The following APBA2 variants were observed in gnomAD, a reference collection of about 807,000 sequenced individuals.
APBA2 encodes amyloid-beta A4 precursor protein-binding family A member 2.
APBA2 carries 30 observed loss-of-function variants against 75.0 expected under a neutral mutation model. The observed-to-expected ratio is 0.40, with a 90% CI of 0.30 to 0.54. The LOEUF (loss-of-function observed/expected upper bound fraction) is 0.54. Ranked by LOEUF, APBA2 falls within the 20% of genes least tolerant of loss-of-function variation. The pLI is 0.49. For missense variants in APBA2, 801 were observed against 1,016.1 expected (o/e 0.79, Z 2.88); for synonymous variants, 444 against 409.6 (o/e 1.08, Z -1.01).
intron 3 of APBA2, among the ~76,000 whole-genome samples, chr15:29,050,657 A>G (rs2041552203): frequency 6.6e-6 from 1 of 152,124 alleles, no homozygotes; most frequent in South Asian, 2.1e-4. Flanking sequence ...GGACTGTTCC[A>G]TGTTACTGTA....
At chr15:28,902,211 G>A (rs1040458180) in intron 1 of APBA2, among the ~76,000 whole-genome samples, 2 of 152,102 alleles carry the variant, frequency 1.3e-5, no homozygotes, top group African/African-American at 2.4e-5. Flanking sequence ...CACAGTTGGC[G>A]CCAACAGCAA....
intron 3 of APBA2, among the ~76,000 whole-genome samples, chr15:29,051,266 C>G (rs74007061): frequency 0.027 from 4,092 of 152,208 alleles, 190 homozygotes; most frequent in African/African-American, 0.093. Context: ...TTGTTCTCTT[C>G]TAGGGAACAG....
At chr15:28,982,486 G>A (rs1355872530) in intron 2 of APBA2, among the ~76,000 whole-genome samples, 1 of 152,198 alleles carries the variant, frequency 6.6e-6, no homozygotes, top group Non-Finnish European at 1.5e-5. Flanking sequence ...GCTTGACCTT[G>A]TTAGCACAGG....
At chr15:29,015,999 T>C (rs1444773876) in intron 3 of APBA2, among the ~76,000 whole-genome samples, 1 of 152,128 alleles carries the variant, frequency 6.6e-6, no homozygotes, top group Non-Finnish European at 1.5e-5. Flanking sequence ...TGGCTCACGC[T>C]TGTAATCCCA....
chr15:28,985,934 G>C (rs1282254844), intron 2 of APBA2, among the ~76,000 whole-genome samples: 1 of 152,228 alleles, frequency 6.6e-6, no homozygotes, highest in African/African-American at 2.4e-5. Flanking sequence ...CGGCGGAGCA[G>C]GTGGCTGCCC....
chr15:28,888,377 G>A (rs1297628372), intron 1 of APBA2, among the ~76,000 whole-genome samples: 1 of 152,228 alleles, frequency 6.6e-6, no homozygotes, highest in Non-Finnish European at 1.5e-5. Context: ...GGTGAGGTTG[G>A]CATCAGGCTG....
intron 3 of APBA2, among the ~76,000 whole-genome samples, chr15:29,026,830 A>G (rs942986724): frequency 5.3e-5 from 8 of 152,230 alleles, no homozygotes; most frequent in East Asian, 3.9e-4. Context: ...CTGAGGCAGG[A>G]GAATGGTGTG....
At chr15:29,020,970 G>C (rs184976038) in intron 3 of APBA2, among the ~76,000 whole-genome samples, 1 of 152,152 alleles carries the variant, frequency 6.6e-6, no homozygotes, top group Admixed American at 6.6e-5. Context: ...ATATATAAGC[G>C]TTCTGGGGGG....
intron 2 of APBA2, among the ~76,000 whole-genome samples, chr15:28,965,141 G>A (rs576000323): frequency 2.5e-4 from 38 of 151,794 alleles, no homozygotes; most frequent in Non-Finnish European, 4.7e-4. Context: ...GTTAGTTTTT[G>A]TATAAGGTAT....
chr15:29,084,874 T>C (rs2043221447), intron 6 of APBA2, among the ~76,000 whole-genome samples: 1 of 152,256 alleles, frequency 6.6e-6, no homozygotes, highest in Non-Finnish European at 1.5e-5. Flanking sequence ...TGTGTTCCTC[T>C]ATTCTCTGTG....
At chr15:28,950,643 A>G (rs1471495668) in intron 2 of APBA2, among the ~76,000 whole-genome samples, 1 of 151,342 alleles carries the variant, frequency 6.6e-6, no homozygotes, top group Non-Finnish European at 1.5e-5. Context: ...AAAAAAAGAA[A>G]GCAAAAAAAG....
chr15:28,889,949 T>C (rs2032018116), intron 1 of APBA2, among the ~76,000 whole-genome samples: 1 of 152,256 alleles, frequency 6.6e-6, no homozygotes. Context: ...CACTCAATTG[T>C]AAAAGACTTT....
At chr15:29,022,864 T>C (rs528363571) in intron 3 of APBA2, among the ~76,000 whole-genome samples, 1 of 140,712 alleles carries the variant, frequency 7.1e-6, no homozygotes, top group Admixed American at 6.9e-5. Flanking sequence ...TATTTGTTTT[T>C]ATCTGGGAAT....
chr15:28,914,014 C>G lies in APBA2; in HGVS notation c.-204-7626C>G, dbSNP rs368182673. Among the ~76,000 whole-genome samples the G allele has an allele frequency of 3.3e-5, 5 of 152,200 alleles. No homozygotes were observed. In the East Asian group the frequency reaches 9.6e-4, roughly 29 times the overall value. On this transcript the variant is annotated intron_variant, in intron 1 of 14. Transcript: ENST00000683413. ...ATTATGCCAACTGCAGGCTATTTCT[C>G]CCTCCAAGTGGAAGTCCTTGAGGTG...
chr15:29,114,401 A>AC lies in APBA2; in HGVS notation c.2178+391dup, dbSNP rs1471251265. On this transcript the variant is annotated intron_variant, in intron 14 of 14. Coordinates refer to ENST00000683413, the MANE Select transcript of APBA2 (RefSeq NM_001353788.2). ...TGCCCTGTCCCACTTCACTGGCTGAACCCCCCACAGTCCAGTTCTTTCTGG... is the reference window on the plus strand; with the variant it reads ...TGCCCTGTCCCACTTCACTGGCTGAACCCCCCCACAGTCCAGTTCTTTCTGG... Among the ~76,000 whole-genome samples, 58 of 151,676 alleles carry AC rather than the reference A, an allele frequency of 3.8e-4. 1 individual carries two copies. Among genetic ancestry groups the AC allele is most frequent in the Non-Finnish European group, 2.4e-4 (16 of 67,926 alleles).
chr15:29,074,221 C>T (rs1025151796), intron 4 of APBA2, among the ~76,000 whole-genome samples: 1 of 152,116 alleles, frequency 6.6e-6, no homozygotes, highest in Admixed American at 6.5e-5. Flanking sequence ...TTCACAATAG[C>T]TAAGAATTGG....
At chr15:29,088,480 A>G (rs915085879) in intron 6 of APBA2, among the ~76,000 whole-genome samples, 8 of 152,140 alleles carry the variant, frequency 5.3e-5, no homozygotes, top group Non-Finnish European at 1.5e-5. Flanking sequence ...AGGTCTGTCC[A>G]TCGAGCTCTG....
rs1355159216 is a variant in APBA2 at position 28,959,488 on chromosome 15, A to T, written c.-94-36265A>T. ...TTCAGACACAGACAGGCACAGACGG[A>T]TGGCCGTGTACATACATGGCGGAAG... is the stretch of plus-strand genomic sequence containing the variant. On this transcript the variant is annotated intron_variant, in intron 2 of 14. Coordinates refer to ENST00000683413, the MANE Select transcript of APBA2 (RefSeq NM_001353788.2). 2.0e-5 allele frequency among the ~76,000 whole-genome samples: 3 copies of T among 152,200 alleles called. No homozygotes were observed. In the East Asian group the frequency reaches 5.8e-4, roughly 29 times the overall value.
chr15:29,106,530 C>T (rs1052715051), intron 11 of APBA2, 77 bp from the exon 12 acceptor site: 18 of 1,512,832 alleles, frequency 1.2e-5, no homozygotes, highest in Admixed American at 1.7e-5. Flanking sequence ...CAGGGTCAGC[C>T]TCATCCTCCT....
Sources: gnomAD v4.1 joint callset for allele counts (sites outside exome capture counted in the v4.1 genomes callset) on GRCh38, gnomAD v4.1.1 for gene constraint, MANE v1.5 for transcripts, NCBI Gene and HGNC (gene_info 2026-07-23, HGNC 2026-07-21) for gene names.